IFT122: variants seen among roughly 807,000 people sequenced by gnomAD.
The protein encoded by IFT122 is intraflagellar transport 122.
A neutral mutation model predicts 161.6 loss-of-function variants in IFT122; 118 were observed. The observed-to-expected ratio is 0.73, with a 90% CI of 0.63 to 0.85. The LOEUF (loss-of-function observed/expected upper bound fraction) is 0.85. Ranked by LOEUF, IFT122 falls within the 40% of genes least tolerant of loss-of-function variation. The pLI is 0.00. For synonymous variants in IFT122, 550 were observed against 602.4 expected, an observed-to-expected ratio of 0.91 and a Z score of 1.27; for missense variants, 1,381 against 1,579.6, an observed-to-expected ratio of 0.87 and a Z score of 2.13.
rs1253939234 is a variant in IFT122, at chr3:129,449,950, C to T, written c.108+13C>T. Reference sequence around the variant, plus strand: ...AAGCAGATTACTGGTAGGATTTTGTCTTAGTTTCCTCTTAAAGTGCTTCCC... The same window carrying T: ...AAGCAGATTACTGGTAGGATTTTGTTTTAGTTTCCTCTTAAAGTGCTTCCC... On this transcript the variant is annotated intron_variant, in intron 2 of 29. Transcript: ENST00000348417. The T allele has an allele frequency of 1.3e-6, 2 of 1,583,662 alleles. No individual in the cohort carries two copies. The highest frequency in any genetic ancestry group is 1.7e-6 in the Non-Finnish European group (2 of 1,153,066).
intron 22 of IFT122, 86 bp from the exon 23 acceptor site, chr3:129,507,580 ACT>A (rs2082313576): frequency 1.0e-6 from 1 of 966,854 alleles, no homozygotes; most frequent in South Asian, 1.3e-5. Context: ...TGGGAAAAGT[ACT>A]GTTGCCTGGC....
Position 129,461,246 on chromosome 3 carries a change from A to T in IFT122, c.291A>T (p.Gln97His). Residue 97 changes from glutamine to histidine, a missense_variant, in exon 5 of 30, where the codon CAA becomes CAT. Gln to His is a conservative substitution (Grantham distance 24, BLOSUM62 0). Coordinates refer to ENST00000348417, the MANE Select transcript of IFT122 (RefSeq NM_052989.3). ...ILKYTHNDAI[Q>H]CVSYNPITHQ... ...TTCCCAGGCACAATGATGCTATACA[A>T]TGTGTCTCCTACAATCCTATTACTC... 1 of 1,613,198 alleles carries T rather than the reference A, an allele frequency of 6.2e-7. No individual in the cohort carries two copies. The highest frequency in any genetic ancestry group is 8.5e-7 in the Non-Finnish European group (1 of 1,179,098).
intron 7 of IFT122, among the ~76,000 whole-genome samples, chr3:129,466,402 T>A (rs2076776316): frequency 6.6e-6 from 1 of 152,092 alleles, no homozygotes; most frequent in Non-Finnish European, 1.5e-5. Flanking sequence ...AGGCTACCAT[T>A]TTTAATTCAT....
chr3:129,512,028 A>C (rs2108627207), intron 23 of IFT122, among the ~76,000 whole-genome samples: 1 of 152,360 alleles, frequency 6.6e-6, no homozygotes, highest in Admixed American at 6.5e-5. Context: ...GGGTTTGAAC[A>C]GCAGCTCAGC....
chr3:129,486,354 T>C (rs146839438), intron 15 of IFT122, among the ~76,000 whole-genome samples: 1 of 152,338 alleles, frequency 6.6e-6, no homozygotes, highest in Non-Finnish European at 1.5e-5. Context: ...CCTCATTTCT[T>C]TTCTGTGAAA....
chr3:129,469,518 G>C (rs2108199603), intron 9 of IFT122, 101 bp downstream of exon 9: 1 of 921,218 alleles, frequency 1.1e-6, no homozygotes, highest in East Asian at 2.5e-5. Flanking sequence ...GTTAGTTCCT[G>C]CTTATTGAGC....
intron 9 of IFT122, among the ~76,000 whole-genome samples, chr3:129,474,875 C>G (rs1577558231): frequency 6.6e-6 from 1 of 152,144 alleles, no homozygotes; most frequent in African/African-American, 2.4e-5. Flanking sequence ...AAAGACAGGG[C>G]TGGGCATGGT....
rs1310571256 is a variant in IFT122, at chr3:129,463,629, A to G, written c.416+3A>G. 2 of 1,611,068 alleles carry G rather than the reference A, an allele frequency of 1.2e-6. No individual in the cohort carries two copies. The highest frequency in any genetic ancestry group is 2.7e-5 in the African/African-American group (2 of 74,992). Reference sequence around the variant, plus strand: ...AGCAGCAAGATCATCTGCTGCAGGTAAGTGCAGCTCTGACGATAAGATTTA... The same window carrying G: ...AGCAGCAAGATCATCTGCTGCAGGTGAGTGCAGCTCTGACGATAAGATTTA... On this transcript the variant is annotated splice_donor_region_variant and intron_variant, in intron 6 of 29. Transcript: ENST00000348417.
intron 20 of IFT122, 127 bp from the exon 21 acceptor site, chr3:129,504,192 G>A: frequency 1.3e-6 from 1 of 766,128 alleles, no homozygotes; most frequent in Non-Finnish European, 2.3e-6. Flanking sequence ...TTTGGGGGAG[G>A]CACTCTCCCC....
intron 13 of IFT122, among the ~76,000 whole-genome samples, chr3:129,480,248 C>G (rs796289558): frequency 1.2e-4 from 19 of 152,270 alleles, no homozygotes; most frequent in African/African-American, 4.1e-4. Context: ...TAGAGGGAGG[C>G]AGAGATCGTT....
chr3:129,504,851 G>A (rs1307620365), intron 21 of IFT122, among the ~76,000 whole-genome samples: 1 of 152,202 alleles, frequency 6.6e-6, no homozygotes, highest in African/African-American at 2.4e-5. Flanking sequence ...GGGAGGTAAT[G>A]TGAGCCAGGG....
chr3:129,519,069 C>A, intron 27 of IFT122, 38 bp from the exon 28 acceptor site: 1 of 1,574,828 alleles, frequency 6.3e-7, no homozygotes, highest in Non-Finnish European at 8.7e-7. Flanking sequence ...CTGTCTCCAT[C>A]TCTGCTTCTG....
Position 129,440,317 on chromosome 3 carries a change from T to TA in IFT122, c.-12dup. 2 of 1,550,516 alleles carry TA rather than the reference T, an allele frequency of 1.3e-6. No individual in the cohort carries two copies. Among genetic ancestry groups the TA allele is most frequent in the Non-Finnish European group, 1.7e-6 (2 of 1,146,816 alleles). On this transcript the variant is annotated 5_prime_UTR_variant, in exon 1 of 30. Transcript: ENST00000348417. ...AGGCGGGTAGGAGGAGCCCGAGCCG[T>TA]AAGGGAAGCCGTGATGAGGGCCGTG...
chr3:129,514,658 C>T (rs2083256388), intron 25 of IFT122, 104 bp downstream of exon 25: 1 of 1,323,480 alleles, frequency 7.6e-7, no homozygotes, highest in South Asian at 1.2e-5. Flanking sequence ...ACAGCTGCAG[C>T]TCCCTCTAGG....
intron 1 of IFT122, among the ~76,000 whole-genome samples, chr3:129,447,662 G>A (rs1244131744): frequency 2.6e-5 from 4 of 152,138 alleles, no homozygotes; most frequent in South Asian, 4.2e-4. Context: ...ACAGGCGCCC[G>A]CCACCACACC....
chr3:129,495,288 C>T (rs909613935), intron 17 of IFT122, among the ~76,000 whole-genome samples, 158 bp from the exon 18 acceptor site: 3 of 152,170 alleles, frequency 2.0e-5, no homozygotes, highest in Non-Finnish European at 2.9e-5. Context: ...GCCTTCCCAG[C>T]GGGAACCTAG....
At chr3:129,467,716 G>A (rs1339804749) in intron 8 of IFT122, among the ~76,000 whole-genome samples, 1 of 152,158 alleles carries the variant, frequency 6.6e-6, no homozygotes, top group Non-Finnish European at 1.5e-5. Flanking sequence ...AGGCCAGAGT[G>A]GGGAAAGCTG....
In IFT122 at chr3:129,478,075, A is replaced by C. The variant is rs149915993; in HGVS notation, c.1207A>C (p.Ile403Leu). 1.1e-4 allele frequency: 172 copies of C among 1,614,102 alleles called. No homozygotes were observed. Among genetic ancestry groups the C allele is most frequent in the Non-Finnish European group, 1.4e-4 (167 of 1,180,008 alleles). ...TGCCATCTACAGAAATCGATTGGCT[A>C]TCCAACTGCCAGAGAAAATCCTCAT... ...KIAIYRNRLA[I>L]QLPEKILIYE... Residue 403 changes from isoleucine to leucine, a missense_variant, in exon 12 of 30, where the codon ATC (isoleucine) becomes CTC (leucine). Around this residue, in one of 7 missense-constraint regions of IFT122, gnomAD observed 544 missense variants for 648.0 expected, o/e 0.84. Transcript: ENST00000348417.
In IFT122 at chr3:129,502,744, T is replaced by C. The variant is rs1374894095; in HGVS notation, c.2409T>C (p.Ala803=). ...LIDIARKLDK[A]EREPLLLCAT... ...ACATCGCCCGCAAACTGGACAAGGCTGAGCGCGAGCCCCTGCTGCTGTGCG... is the reference window on the plus strand; with the variant it reads ...ACATCGCCCGCAAACTGGACAAGGCCGAGCGCGAGCCCCTGCTGCTGTGCG... Residue 803 remains alanine (A), a synonymous_variant, in exon 20 of 30, where the codon GCT becomes GCC. Coordinates refer to ENST00000348417, the MANE Select transcript of IFT122 (RefSeq NM_052989.3). The C allele has an allele frequency of 4.3e-6, 7 of 1,610,762 alleles. No individual in the cohort carries two copies. Among genetic ancestry groups the C allele is most frequent in the Non-Finnish European group, 5.9e-6 (7 of 1,180,010 alleles).
Sources: gnomAD v4.1 joint callset for allele counts (sites outside exome capture counted in the v4.1 genomes callset) on GRCh38, gnomAD v4.1.1 for gene constraint, gnomAD v4.1.1 regional missense constraint, MANE v1.5 for transcripts, NCBI Gene and HGNC (gene_info 2026-07-23, HGNC 2026-07-21) for gene names.